The following DGLUCY variants were observed in gnomAD, a reference collection of about 807,000 sequenced individuals.
DGLUCY encodes D-glutamate cyclase, also known as D-glutamate cyclase, mitochondrial.
In DGLUCY, 58 loss-of-function variants were observed where a neutral mutation model predicts 58.5. That is an observed-to-expected ratio of 0.99 (90% confidence interval 0.80 to 1.23). The LOEUF is 1.23. Ranked by LOEUF, DGLUCY falls within the 50% of genes most tolerant of loss-of-function variation. The pLI is 0.00. For missense variants in DGLUCY, 779 were observed against 784.7 expected (o/e 0.99, Z 0.09); for synonymous variants, 325 against 314.1 (o/e 1.03, Z -0.37).
Position 91,164,432 on chromosome 14 carries a change from A to T in DGLUCY, c.104-2793A>T, listed in dbSNP as rs113843390. The stretch of plus-strand genomic sequence containing the variant: ...GTGTCTGCACATTCAAGGGTTAGAT[A>T]TTTATTGTAGTCTTTGCTATCTGGG... On this transcript the variant is annotated intron_variant, in intron 3 of 13. Transcript: ENST00000256324. Among the ~76,000 whole-genome samples the T allele has an allele frequency of 6.6e-3, 1,009 of 152,220 alleles. 4 individuals carry two copies. The highest frequency in any genetic ancestry group is 0.01 in the Non-Finnish European group (711 of 68,008).
chr14:91,198,153 G>A (rs758322383), intron 10 of DGLUCY, among the ~76,000 whole-genome samples: 7 of 151,396 alleles, frequency 4.6e-5, no homozygotes, highest in African/African-American at 7.3e-5. Context: ...AGTGATTCTC[G>A]TGCCTCAGCC....
At position 91,157,193 on chromosome 14, in the gene DGLUCY, AGATG is replaced by A. The variant is rs1158547339; in HGVS notation, c.-81-437_-81-434del. Among the ~76,000 whole-genome samples the A allele has an allele frequency of 2.8e-4, 9 of 31,986 alleles. 1 individual carries two copies. The highest frequency in any genetic ancestry group is 5.3e-4 in the Non-Finnish European group (7 of 13,290). 21.0% of individuals were successfully genotyped at this position (31,986 alleles called of 152,430 possible). ...TGGATAGATGGATGGATGGGTGGAT[AGATG>A]GATGGATGAATGAATGGGTGGATGG... is the stretch of plus-strand genomic sequence containing the variant. On this transcript the variant is annotated intron_variant, in intron 1 of 13. Coordinates refer to ENST00000256324, the MANE Select transcript of DGLUCY (RefSeq NM_001102368.3).
At chr14:91,090,660 C>T (rs2044296214) in intron 1 of DGLUCY, among the ~76,000 whole-genome samples, 1 of 152,206 alleles carries the variant, frequency 6.6e-6, no homozygotes. Flanking sequence ...CCTTGGGGTA[C>T]ATGATCCAGC....
chr14:91,080,120 C>G (rs532121476), intron 1 of DGLUCY, among the ~76,000 whole-genome samples: 1 of 152,306 alleles, frequency 6.6e-6, no homozygotes, highest in African/African-American at 2.4e-5. Flanking sequence ...CATGTTGTAG[C>G]ATATATCAAA....
chr14:91,135,983 G>A (rs1487990827), intron 1 of DGLUCY, among the ~76,000 whole-genome samples: 1 of 142,072 alleles, frequency 7.0e-6, no homozygotes, highest in African/African-American at 2.7e-5. Context: ...CGCCCAGGCT[G>A]GAGTGCAGTG....
intron 10 of DGLUCY, among the ~76,000 whole-genome samples, chr14:91,197,577 C>T (rs116007247): frequency 4.9e-4 from 75 of 152,344 alleles, no homozygotes; most frequent in African/African-American, 1.2e-3. Flanking sequence ...CTCTGGCAAC[C>T]ACAATTCTAC....
intron 3 of DGLUCY, among the ~76,000 whole-genome samples, chr14:91,162,731 T>C (rs2048061018): frequency 6.6e-6 from 1 of 152,018 alleles, no homozygotes; most frequent in African/African-American, 2.4e-5. Flanking sequence ...ATCCCATCTA[T>C]ACTAAAAATA....
intron 1 of DGLUCY, among the ~76,000 whole-genome samples, chr14:91,116,701 T>A (rs2044972549): frequency 6.6e-6 from 1 of 152,112 alleles, no homozygotes; most frequent in Non-Finnish European, 1.5e-5. Context: ...ATCCCAGCAC[T>A]TTGGGAGGCC....
chr14:91,167,804 G>A, intron 4 of DGLUCY: 1 of 627,798 alleles, frequency 1.6e-6, no homozygotes, highest in Non-Finnish European at 2.8e-6. Flanking sequence ...CTGATGCTGG[G>A]TCGGTGTACC....
chr14:91,157,170 G>T (rs1420245797), intron 1 of DGLUCY, among the ~76,000 whole-genome samples: 2 of 142,634 alleles, frequency 1.4e-5, no homozygotes, highest in Non-Finnish European at 3.1e-5. Flanking sequence ...TGGGTGGATG[G>T]ATAGATGGAT....
chr14:91,166,380 T>C (rs1282151122), intron 3 of DGLUCY, among the ~76,000 whole-genome samples: 1 of 152,186 alleles, frequency 6.6e-6, no homozygotes, highest in African/African-American at 2.4e-5. Context: ...AAAATTTACA[T>C]TAGGCCAGTT....
At chr14:91,099,901 A>G (rs1309761039) in intron 1 of DGLUCY, among the ~76,000 whole-genome samples, 1 of 152,124 alleles carries the variant, frequency 6.6e-6, no homozygotes, top group African/African-American at 2.4e-5. Flanking sequence ...TGGTTTCTAC[A>G]AAATTAGCCG....
At chr14:91,111,288 A>G (rs555884921), upstream of DGLUCY, among the ~76,000 whole-genome samples, 1 of 60,516 alleles carries the variant, frequency 1.7e-5, no homozygotes, top group African/African-American at 4.1e-5. Context: ...ATATATATAT[A>G]TATTTTTTTT....
chr14:91,134,734 G>A (rs1241880085), intron 1 of DGLUCY, among the ~76,000 whole-genome samples: 2 of 150,784 alleles, frequency 1.3e-5, no homozygotes, highest in Non-Finnish European at 3.0e-5. Context: ...CACCGTGCCC[G>A]GCCTCACAAT....
At chr14:91,170,923 G>A (rs958650262) in intron 5 of DGLUCY, among the ~76,000 whole-genome samples, 1 of 152,226 alleles carries the variant, frequency 6.6e-6, no homozygotes, top group Non-Finnish European at 1.5e-5. Flanking sequence ...TTATTAAAAT[G>A]TCTTGGTTTG....
chr14:91,203,075 A>G (rs754484201), intron 11 of DGLUCY, among the ~76,000 whole-genome samples: 1 of 152,220 alleles, frequency 6.6e-6, no homozygotes, highest in Non-Finnish European at 1.5e-5. Context: ...TACTGCCCCC[A>G]TCAGGGACTG....
intron 1 of DGLUCY, among the ~76,000 whole-genome samples, chr14:91,123,984 G>A (rs2045540588): frequency 6.7e-6 from 1 of 148,532 alleles, no homozygotes; most frequent in Non-Finnish European, 1.5e-5. Context: ...CTGGAGTGCA[G>A]TGGTGCAATC....
At chr14:91,107,558 T>C (rs12880574), upstream of DGLUCY, among the ~76,000 whole-genome samples, 83,046 of 151,988 alleles carry the variant, frequency 0.55, 24,373 homozygotes, top group East Asian at 0.9. Context: ...TTTATCTGCT[T>C]GATATATTGA....
At chr14:91,142,720 T>A (rs889710240) in intron 1 of DGLUCY, among the ~76,000 whole-genome samples, 1 of 151,460 alleles carries the variant, frequency 6.6e-6, no homozygotes, top group Non-Finnish European at 1.5e-5. Context: ...GCACTTTGGG[T>A]TGGGAGGCTG....
Sources: allele counts gnomAD v4.1 joint callset (sites outside exome capture counted in the v4.1 genomes callset), GRCh38; gene constraint gnomAD v4.1.1; transcripts MANE v1.5; gene names NCBI Gene and HGNC (gene_info 2026-07-23, HGNC 2026-07-21).